SHANK2: variants seen among roughly 807,000 people sequenced by gnomAD.
SHANK2 encodes SH3 and multiple ankyrin repeat domains 2.
Under a neutral mutation model 133.7 loss-of-function variants are expected in SHANK2, and 43 were observed. The observed-to-expected ratio is 0.32, with a 90% CI of 0.25 to 0.41. SHANK2 has a LOEUF of 0.41. Among genes scored for constraint, SHANK2 ranks in the 10% least tolerant of loss-of-function variants. The pLI is 1.00. For synonymous variants in SHANK2, 1,017 were observed against 952.8 expected (o/e 1.07, Z -1.24); for missense variants, 1,994 against 2,235.8 (o/e 0.89, Z 2.18).
chr11:70,886,753 G>A (rs1164861102), intron 11 of SHANK2, among the ~76,000 whole-genome samples: 2 of 151,586 alleles, frequency 1.3e-5, no homozygotes, highest in African/African-American at 4.9e-5. Context: ...CAATCTGTTT[G>A]AAAACACCAC....
Position 70,806,238 on chromosome 11 carries a change from C to T in SHANK2, c.1663+764G>A, listed in dbSNP as rs148497944. On this transcript the variant is annotated intron_variant, in intron 13 of 25. Coordinates refer to ENST00000601538, the MANE Select transcript of SHANK2 (RefSeq NM_012309.5). ...GGCCCGGCATGCTGCCCTCCAATGG[C>T]GGGGCCCGGGCATGCTGGCCACGTG... is the stretch of plus-strand genomic sequence containing the variant. 2.9e-4 allele frequency among the ~76,000 whole-genome samples: 44 copies of T among 152,318 alleles called. No individual in the cohort carries two copies. In the East Asian group the frequency reaches 7.5e-3, roughly 26 times the overall value.
chr11:70,917,855 G>A (rs183082236), intron 10 of SHANK2, among the ~76,000 whole-genome samples: 3 of 152,122 alleles, frequency 2.0e-5, no homozygotes, highest in Non-Finnish European at 4.4e-5. Context: ...AGCCTTTCAG[G>A]GGGGTGGAGG....
intron 15 of SHANK2, among the ~76,000 whole-genome samples, chr11:70,694,245 C>T (rs1192563350): frequency 6.6e-6 from 1 of 152,238 alleles, no homozygotes; most frequent in Non-Finnish European, 1.5e-5. Context: ...TTTCTAGATC[C>T]TTCTCTCACT....
chr11:70,568,444 G>A (rs1353427259), intron 17 of SHANK2, among the ~76,000 whole-genome samples: 1 of 152,154 alleles, frequency 6.6e-6, no homozygotes, highest in Non-Finnish European at 1.5e-5. Flanking sequence ...CATTAAAAGC[G>A]AGTCTGAAGA....
intron 15 of SHANK2, among the ~76,000 whole-genome samples, chr11:70,695,476 T>C (rs887746849): frequency 1.1e-4 from 17 of 152,126 alleles, no homozygotes; most frequent in Non-Finnish European, 1.9e-4. Context: ...TCTATGTGCA[T>C]CTCTCCCAAC....
chr11:70,591,226 C>G (rs567515317), intron 17 of SHANK2, among the ~76,000 whole-genome samples: 13 of 152,128 alleles, frequency 8.5e-5, no homozygotes, highest in Admixed American at 7.9e-4. Context: ...GTGGTGAGTG[C>G]CTGGGATCCC....
At chr11:70,544,047 G>T (rs1001345411) in intron 17 of SHANK2, among the ~76,000 whole-genome samples, 1 of 152,142 alleles carries the variant, frequency 6.6e-6, no homozygotes, top group Admixed American at 6.5e-5. Context: ...CCCAAATTTG[G>T]CCTCAACGAG....
At chr11:71,078,048 G>A (rs1179105282) in intron 8 of SHANK2, among the ~76,000 whole-genome samples, 1 of 151,994 alleles carries the variant, frequency 6.6e-6, no homozygotes, top group Non-Finnish European at 1.5e-5. Flanking sequence ...CCTGCACCTT[G>A]GCTTCTAAAT....
At chr11:70,722,756 T>G (rs1946097392) in intron 14 of SHANK2, among the ~76,000 whole-genome samples, 1 of 152,112 alleles carries the variant, frequency 6.6e-6, no homozygotes, top group South Asian at 2.1e-4. Flanking sequence ...CACTACCTCC[T>G]AACATAGTGT....
chr11:70,524,021 G>C (rs1200961007), intron 17 of SHANK2, among the ~76,000 whole-genome samples: 2 of 152,270 alleles, frequency 1.3e-5, no homozygotes, highest in East Asian at 3.9e-4. Context: ...ACTAGCAAGG[G>C]AATATTAACA....
chr11:70,501,653 A>G lies in SHANK2; in HGVS notation c.2287+270T>C, dbSNP rs529264076. ...TGCTAGTCGCCCTTCCCCTGCCTAC[A>G]AGATGGAGTCAGAGGGCCAGAGCCT... On this transcript the variant is annotated intron_variant, in intron 20 of 25. Coordinates refer to ENST00000601538, the MANE Select transcript of SHANK2 (RefSeq NM_012309.5). Among the ~76,000 whole-genome samples, 14 of 152,308 alleles carry G rather than the reference A, an allele frequency of 9.2e-5. No individual in the cohort carries two copies. The South Asian group carries it at 1.7e-3, about 18-fold the overall frequency.
chr11:70,793,203 C>G (rs1421319213), intron 14 of SHANK2, among the ~76,000 whole-genome samples: 5 of 152,242 alleles, frequency 3.3e-5, no homozygotes, highest in African/African-American at 1.2e-4. Context: ...GGTCAACTTA[C>G]ATGTGGATTT....
Position 70,569,656 on chromosome 11 carries a change from C to G in SHANK2, c.2062-66725G>C, listed in dbSNP as rs1471341825. On this transcript the variant is annotated intron_variant, in intron 17 of 25. Transcript: ENST00000601538. This position sits in a 1 kb window ranked among gnomAD's most constrained non-coding sequence, Gnocchi z 5.1. ...GCCCAGTGACCCAGTCCTGGCCAAT[C>G]AGGGGTTCCCGTTTCCCAGGCCACA... Among the ~76,000 whole-genome samples the G allele has an allele frequency of 6.6e-6, 1 of 152,132 alleles. No homozygotes were observed. The highest frequency in any genetic ancestry group is 1.5e-5 in the Non-Finnish European group (1 of 68,018).
intron 13 of SHANK2, 142 bp downstream of exon 13, chr11:70,806,858 ACT>A (rs1437304092): frequency 6.7e-6 from 4 of 593,054 alleles, no homozygotes; most frequent in Non-Finnish European, 9.0e-6. Context: ...TGGGAACGTC[ACT>A]CTGTTCCCCA....
At chr11:70,934,022 G>A (rs998802532) in intron 10 of SHANK2, among the ~76,000 whole-genome samples, 14 of 150,186 alleles carry the variant, frequency 9.3e-5, no homozygotes, top group African/African-American at 2.5e-4. Flanking sequence ...ACTTGGCCCC[G>A]GGAGTTTGAG....
At chr11:70,863,253 C>T (rs1225277799) in intron 11 of SHANK2, 4 of 446,814 alleles carry the variant, frequency 9.0e-6, no homozygotes, top group Non-Finnish European at 1.8e-5. Flanking sequence ...GAGGTGACAC[C>T]TCTCCCCATG....
chr11:70,841,052 C>G (rs1353971905), intron 11 of SHANK2, among the ~76,000 whole-genome samples: 3 of 152,032 alleles, frequency 2.0e-5, no homozygotes, highest in Non-Finnish European at 4.4e-5. Flanking sequence ...TGCTTGAGGT[C>G]CAGAGTTCAA....
intron 8 of SHANK2, among the ~76,000 whole-genome samples, chr11:71,075,982 T>C (rs928556048): frequency 1.3e-5 from 2 of 152,186 alleles, no homozygotes; most frequent in Non-Finnish European, 2.9e-5. Context: ...CCCTCATCTG[T>C]AGGCAGAAAC....
At chr11:70,602,389 T>A (rs782745778) in intron 17 of SHANK2, among the ~76,000 whole-genome samples, 1 of 152,224 alleles carries the variant, frequency 6.6e-6, no homozygotes, top group South Asian at 2.1e-4. Context: ...ACTTGCCTCC[T>A]AGTGATCTAG....
Sources: allele counts gnomAD v4.1 joint callset (sites outside exome capture counted in the v4.1 genomes callset), GRCh38; gene constraint gnomAD v4.1.1; non-coding constraint Gnocchi (gnomAD v3.1); transcripts MANE v1.5; gene names NCBI Gene and HGNC (gene_info 2026-07-23, HGNC 2026-07-21).